TMEM182: variants seen among roughly 807,000 people sequenced by gnomAD.
TMEM182 encodes transmembrane protein 182.
In TMEM182, 20 loss-of-function variants were observed where a neutral mutation model predicts 26.8. That is an observed-to-expected ratio of 0.75 (90% CI 0.53 to 1.09). The LOEUF (loss-of-function observed/expected upper bound fraction) is 1.09. Ranked by LOEUF, TMEM182 falls within the 50% of genes least tolerant of loss-of-function variation. The pLI is 0.00. For synonymous variants in TMEM182, 109 were observed against 102.2 expected (o/e 1.07, Z -0.40); for missense variants, 277 against 275.5 (o/e 1.01, Z -0.04).
intron 4 of TMEM182, among the ~76,000 whole-genome samples, chr2:102,809,225 T>C (rs1265145341): frequency 1.3e-5 from 2 of 152,182 alleles, no homozygotes; most frequent in Non-Finnish European, 2.9e-5. Context: ...CAAAAGCCTT[T>C]TGTAGGGGTA....
In TMEM182 at chr2:102,762,170, C is replaced by T; in HGVS notation, c.-48C>T. On this transcript the variant is annotated 5_prime_UTR_variant, in exon 1 of 5. Transcript: ENST00000412401. ...GTTTCTGAGAAACTAGGTGTCTTACCATTTTAAAATTTCATATTTTATTTA... is the reference window on the plus strand; with the variant it reads ...GTTTCTGAGAAACTAGGTGTCTTACTATTTTAAAATTTCATATTTTATTTA... The T allele has an allele frequency of 7.0e-7, 1 of 1,434,394 alleles. No individual in the cohort carries two copies. Among genetic ancestry groups the T allele is most frequent in the Non-Finnish European group, 9.6e-7 (1 of 1,042,910 alleles). The allele number at this position is 1,434,394 out of a possible 1,614,324, so 88.9% of individuals were successfully genotyped here.
chr2:102,785,116 C>T (rs919816200), intron 3 of TMEM182, among the ~76,000 whole-genome samples: 14 of 152,146 alleles, frequency 9.2e-5, no homozygotes, highest in Admixed American at 1.3e-4. Flanking sequence ...ATGAGCACAT[C>T]ATAAAAGGAC....
chr2:102,756,734 CAG>C (rs1680049906), intron 1 of TMEM182, among the ~76,000 whole-genome samples: 1 of 152,180 alleles, frequency 6.6e-6, no homozygotes. Flanking sequence ...AACGGAAACT[CAG>C]AGAGTTGAGC....
chr2:102,813,390 A>G (rs138281246), intron 4 of TMEM182, among the ~76,000 whole-genome samples: 1 of 152,324 alleles, frequency 6.6e-6, no homozygotes, highest in African/African-American at 2.4e-5. Context: ...CTAGTCTCAG[A>G]CTTGCATTTA....
chr2:102,832,604 G>A (rs1483379019), intron 3 of TMEM182, among the ~76,000 whole-genome samples: 1 of 152,156 alleles, frequency 6.6e-6, no homozygotes, highest in African/African-American at 2.4e-5. Flanking sequence ...GGGACAGCTG[G>A]GGTCAGTGCT....
At chr2:102,769,939 C>A (rs1006902072) in intron 3 of TMEM182, among the ~76,000 whole-genome samples, 5 of 152,154 alleles carry the variant, frequency 3.3e-5, no homozygotes, top group Non-Finnish European at 7.3e-5. Flanking sequence ...GGTGGAATAC[C>A]AGTTTGTAAT....
intron 3 of TMEM182, among the ~76,000 whole-genome samples, chr2:102,770,233 C>G (rs769984498): frequency 6.6e-6 from 1 of 152,144 alleles, no homozygotes; most frequent in African/African-American, 2.4e-5. Context: ...TCTTCAATGT[C>G]AAACGCAGAA....
chr2:102,797,898 G>T lies in TMEM182; in HGVS notation c.367G>T (p.Gly123Trp). Residue 123 changes from glycine (G) to tryptophan (W), a missense_variant, in exon 4 of 5, where the codon GGG becomes TGG. Transcript: ENST00000412401. ...RGFWAVLMLL[G>W]VVAVVIASFL... ...TTTCTGGGCAGTCCTGATGCTCCTGGGGGTAGTTGCTGTAGTCATCGCAAG... is the reference window on the plus strand; with the variant it reads ...TTTCTGGGCAGTCCTGATGCTCCTGTGGGTAGTTGCTGTAGTCATCGCAAG... 6.2e-7 allele frequency: 1 copy of T among 1,614,010 alleles called. No individual in the cohort carries two copies.
chr2:102,835,296 A>T (rs1370809629), intron 3 of TMEM182, among the ~76,000 whole-genome samples: 1 of 152,226 alleles, frequency 6.6e-6, no homozygotes, highest in East Asian at 1.9e-4. Flanking sequence ...CTCGATTTTT[A>T]AAATTGACAT....
intron 3 of TMEM182, among the ~76,000 whole-genome samples, chr2:102,836,843 A>G (rs1408442912): frequency 1.3e-5 from 2 of 152,230 alleles, no homozygotes; most frequent in African/African-American, 2.4e-5. Context: ...GGCCATTAAT[A>G]GAAAGCGTTC....
At chr2:102,822,241 C>T (rs1170447583), downstream of TMEM182, among the ~76,000 whole-genome samples, 2 of 152,028 alleles carry the variant, frequency 1.3e-5, no homozygotes, top group Non-Finnish European at 2.9e-5. Context: ...AGATTAGACC[C>T]CTGAGGAGGA....
chr2:102,782,563 A>G (rs994422717), intron 3 of TMEM182, among the ~76,000 whole-genome samples: 14 of 152,294 alleles, frequency 9.2e-5, no homozygotes, highest in Middle Eastern at 3.4e-3. Context: ...ACCTCATAGT[A>G]GTACATCAGG....
At chr2:102,841,469 GAGA>G (rs1342722255) in intron 3 of TMEM182, among the ~76,000 whole-genome samples, 4 of 152,116 alleles carry the variant, frequency 2.6e-5, no homozygotes, top group African/African-American at 7.2e-5. Context: ...ACCGGGAGAA[GAGA>G]AGAACTGTGC....
At chr2:102,792,507 T>C (rs1305874504) in intron 3 of TMEM182, among the ~76,000 whole-genome samples, 1 of 152,216 alleles carries the variant, frequency 6.6e-6, no homozygotes, top group African/African-American at 2.4e-5. Flanking sequence ...TCAGTTTTAC[T>C]TTAGAGAGTG....
intron 3 of TMEM182, among the ~76,000 whole-genome samples, chr2:102,795,021 A>C (rs1357161186): frequency 6.6e-6 from 1 of 151,896 alleles, no homozygotes; most frequent in Non-Finnish European, 1.5e-5. Context: ...ATATTGAATA[A>C]TTTTTATTGC....
chr2:102,841,073 T>C (rs1446081405), intron 3 of TMEM182, among the ~76,000 whole-genome samples: 1 of 152,002 alleles, frequency 6.6e-6, no homozygotes, highest in Non-Finnish European at 1.5e-5. Context: ...GGGAAACAAA[T>C]AGTGGCATCA....
At chr2:102,809,248 G>T (rs182530304) in intron 4 of TMEM182, among the ~76,000 whole-genome samples, 1 of 152,298 alleles carries the variant, frequency 6.6e-6, no homozygotes, top group East Asian at 1.9e-4. Context: ...GTCAGTCAGG[G>T]TATTCAGTGT....
upstream of TMEM182, among the ~76,000 whole-genome samples, chr2:102,757,784 A>G (rs1680088908): frequency 6.6e-6 from 1 of 152,222 alleles, no homozygotes; most frequent in Non-Finnish European, 1.5e-5. Context: ...GACTCACAGT[A>G]CTGCAGGCTT....
intron 3 of TMEM182, among the ~76,000 whole-genome samples, chr2:102,780,266 C>T (rs187779568): frequency 2.1e-3 from 322 of 152,206 alleles, no homozygotes; most frequent in African/African-American, 6.8e-3. Flanking sequence ...TTTTAGTTGG[C>T]TTCCTTTCAT....
Sources: allele counts gnomAD v4.1 joint callset (sites outside exome capture counted in the v4.1 genomes callset), GRCh38; gene constraint gnomAD v4.1.1; transcripts MANE v1.5; gene names NCBI Gene and HGNC (gene_info 2026-07-23, HGNC 2026-07-21).